The following LRP6 variants were observed in gnomAD, a reference collection of about 807,000 sequenced individuals.
LRP6 encodes LDL receptor related protein 6, also known as low-density lipoprotein receptor-related protein 6.
A neutral mutation model predicts 184.1 loss-of-function variants in LRP6; 43 were observed. The observed-to-expected ratio is 0.23, with a 90% CI of 0.18 to 0.30. The LOEUF (loss-of-function observed/expected upper bound fraction) is 0.30, where lower values mean the gene tolerates loss of function less well. Among genes scored for constraint, LRP6 ranks in the 10% least tolerant of loss-of-function variants. LRP6 has a pLI of 1.00. For missense variants in LRP6, 1,571 were observed against 2,005.3 expected, an observed-to-expected ratio of 0.78 and a Z score of 4.14; for synonymous variants, 719 against 684.9, an observed-to-expected ratio of 1.05 and a Z score of -0.78.
intron 22 of LRP6, among the ~76,000 whole-genome samples, chr12:12,121,854 ATTAAT>A (rs758604437): frequency 8.5e-5 from 13 of 152,206 alleles, no homozygotes; most frequent in Non-Finnish European, 1.3e-4. Flanking sequence ...CTGATGAATA[ATTAAT>A]TTAATGACAT....
intron 10 of LRP6, 59 bp from the exon 11 acceptor site, chr12:12,160,023 T>G (rs916971253): frequency 7.7e-5 from 96 of 1,250,270 alleles, no homozygotes; most frequent in Non-Finnish European, 1.1e-4. Flanking sequence ...GGGGAAAGAG[T>G]CATATTCATG....
At chr12:12,207,691 T>C (rs1406120080) in intron 2 of LRP6, among the ~76,000 whole-genome samples, 3 of 152,136 alleles carry the variant, frequency 2.0e-5, no homozygotes, top group African/African-American at 7.2e-5. Flanking sequence ...TGGATATTCA[T>C]GCTTAGTAGT....
intron 1 of LRP6, among the ~76,000 whole-genome samples, chr12:12,263,811 G>A (rs1388751056): frequency 2.0e-5 from 3 of 151,952 alleles, no homozygotes; most frequent in Admixed American, 6.6e-5. Flanking sequence ...TCCAGCCTAG[G>A]CAACAGAGCA....
chr12:12,228,395 A>G (rs553667155), intron 2 of LRP6, among the ~76,000 whole-genome samples: 1 of 152,246 alleles, frequency 6.6e-6, no homozygotes, highest in East Asian at 1.9e-4. Flanking sequence ...TAACAGGAAG[A>G]GATAAATGCT....
At chr12:12,158,650 A>G (rs961006212) in intron 12 of LRP6, among the ~76,000 whole-genome samples, 179 bp downstream of exon 12, 16 of 152,172 alleles carry the variant, frequency 1.1e-4, no homozygotes, top group African/African-American at 3.9e-4. Context: ...ATAACATCAA[A>G]TTGCTATCAT....
At chr12:12,201,043 T>C (rs1863901378) in intron 3 of LRP6, among the ~76,000 whole-genome samples, 1 of 152,210 alleles carries the variant, frequency 6.6e-6, no homozygotes, top group South Asian at 2.1e-4. Context: ...TTTAAAATAA[T>C]GTAGAGTTCA....
intron 3 of LRP6, among the ~76,000 whole-genome samples, chr12:12,192,007 G>T (rs536426043): frequency 6.6e-6 from 1 of 151,902 alleles, no homozygotes; most frequent in Non-Finnish European, 1.5e-5. Context: ...TAAATATGCA[G>T]GTTAATAAAA....
intron 9 of LRP6, among the ~76,000 whole-genome samples, chr12:12,162,819 G>A (rs1174597714): frequency 6.6e-6 from 1 of 152,142 alleles, no homozygotes; most frequent in Non-Finnish European, 1.5e-5. Flanking sequence ...ATAAATGAAT[G>A]TAACCATTAT....
chr12:12,143,432 A>C (rs181290739), intron 15 of LRP6, among the ~76,000 whole-genome samples: 2 of 152,322 alleles, frequency 1.3e-5, no homozygotes, highest in East Asian at 1.9e-4. Context: ...ATGTACATGG[A>C]AATTGCGGTA....
At chr12:12,131,252 C>T (rs1166522282) in intron 18 of LRP6, among the ~76,000 whole-genome samples, 3 of 151,908 alleles carry the variant, frequency 2.0e-5, no homozygotes, top group South Asian at 4.2e-4. Context: ...GGACTACAGG[C>T]GTCTGCCACC....
rs567529542 is a variant in LRP6, at chr12:12,121,055, C to A, written c.*71G>T. ...ATCCTTCTCTAATAGCTCCCTCCCC[C>A]CCTCCAGATCTCAACCAAATTTATA... On this transcript the variant is annotated 3_prime_UTR_variant, in exon 23 of 23. Transcript: ENST00000261349. 9.7e-5 allele frequency: 134 copies of A among 1,385,702 alleles called. No homozygotes were observed. Among genetic ancestry groups the A allele is most frequent in the South Asian group, 1.2e-4 (8 of 68,096 alleles). 85.8% of individuals were successfully genotyped at this position (1,385,702 alleles called of 1,614,324 possible).
At chr12:12,182,021 A>T (rs75640385) in intron 5 of LRP6, among the ~76,000 whole-genome samples, 1,704 of 152,316 alleles carry the variant, frequency 0.011, 31 homozygotes, top group African/African-American at 0.038. Context: ...TACCTCACAG[A>T]ATTGAGGACA....
intron 2 of LRP6, among the ~76,000 whole-genome samples, chr12:12,221,060 A>AC (rs1247829214): frequency 6.6e-6 from 1 of 152,070 alleles, no homozygotes; most frequent in Non-Finnish European, 1.5e-5. Flanking sequence ...ATCTACTATG[A>AC]CCCCTCTCTC....
At chr12:12,229,132 A>G (rs563801190) in intron 2 of LRP6, among the ~76,000 whole-genome samples, 1 of 152,328 alleles carries the variant, frequency 6.6e-6, no homozygotes, top group East Asian at 1.9e-4. Context: ...GCACTTTGGG[A>G]GGCCAAGGCA....
chr12:12,216,654 T>TAAAAA (rs1565662770), intron 2 of LRP6, among the ~76,000 whole-genome samples: 3 of 144,342 alleles, frequency 2.1e-5, no homozygotes, highest in Admixed American at 6.9e-5. Flanking sequence ...TACTTAAAAT[T>TAAAAA]TAAAAAAAAA....
chr12:12,134,337 T>G (rs1326961015), intron 17 of LRP6, among the ~76,000 whole-genome samples: 1 of 152,222 alleles, frequency 6.6e-6, no homozygotes, highest in Non-Finnish European at 1.5e-5. Flanking sequence ...GAAATTCATT[T>G]AAAAATTTCT....
chr12:12,263,276 A>AAAGG (rs1555129102), intron 1 of LRP6, among the ~76,000 whole-genome samples: 2 of 146,224 alleles, frequency 1.4e-5, no homozygotes, highest in Non-Finnish European at 1.5e-5. Context: ...TAAAAAAAAA[A>AAAGG]AAAGAATGTG....
At chr12:12,205,470 T>G (rs1445615390) in intron 2 of LRP6, among the ~76,000 whole-genome samples, 1 of 151,442 alleles carries the variant, frequency 6.6e-6, no homozygotes, top group Non-Finnish European at 1.5e-5. Context: ...AATACTGAAA[T>G]GAATCTACTT....
intron 3 of LRP6, among the ~76,000 whole-genome samples, chr12:12,187,787 A>G (rs545780513): frequency 2.0e-5 from 3 of 152,350 alleles, no homozygotes; most frequent in Admixed American, 2.0e-4. Flanking sequence ...TAGTGGTAGA[A>G]TATGTTCATG....
Sources: gnomAD v4.1 joint callset for allele counts (sites outside exome capture counted in the v4.1 genomes callset) on GRCh38, gnomAD v4.1.1 for gene constraint, MANE v1.5 for transcripts, NCBI Gene and HGNC (gene_info 2026-07-23, HGNC 2026-07-21) for gene names.